CADPS: variants seen among roughly 807,000 people sequenced by gnomAD.
The protein encoded by CADPS is calcium-dependent secretion activator 1.
A neutral mutation model predicts 167.3 loss-of-function variants in CADPS; 57 were observed. That is an observed-to-expected ratio of 0.34 (90% CI 0.28 to 0.42). The LOEUF (loss-of-function observed/expected upper bound fraction) is 0.42. CADPS is among the 20% of genes least tolerant of loss of function. CADPS has a pLI of 1.00. For missense variants in CADPS, 1,414 were observed against 1,738.1 expected, an observed-to-expected ratio of 0.81 and a Z score of 3.32; for synonymous variants, 676 against 635.3, an observed-to-expected ratio of 1.06 and a Z score of -0.96.
intron 3 of CADPS, among the ~76,000 whole-genome samples, chr3:62,665,789 G>A (rs2074292878): frequency 6.6e-6 from 1 of 152,076 alleles, no homozygotes; most frequent in Admixed American, 6.6e-5. Flanking sequence ...TGTGACCTTG[G>A]GCAAGTTACT....
At chr3:62,813,380 A>C (rs564031576) in intron 1 of CADPS, among the ~76,000 whole-genome samples, 2 of 152,292 alleles carry the variant, frequency 1.3e-5, no homozygotes, top group East Asian at 3.9e-4. Context: ...CTCCTTGTAC[A>C]ATAAGTGGTG....
chr3:62,834,545 T>G (rs553677951), intron 1 of CADPS, among the ~76,000 whole-genome samples: 1 of 152,244 alleles, frequency 6.6e-6, no homozygotes, highest in East Asian at 1.9e-4. Context: ...GAACCATGGG[T>G]AAGTCACTTA....
chr3:62,435,229 G>C (rs2054755888), intron 28 of CADPS, among the ~76,000 whole-genome samples: 1 of 152,142 alleles, frequency 6.6e-6, no homozygotes, highest in Admixed American at 6.5e-5. Flanking sequence ...TAAAGAATAA[G>C]TTCATTTGCA....
chr3:62,808,047 G>A (rs2094194839), intron 1 of CADPS, among the ~76,000 whole-genome samples: 1 of 151,792 alleles, frequency 6.6e-6, no homozygotes, highest in Non-Finnish European at 1.5e-5. Context: ...CTAATTTTTT[G>A]TATTTTTAGT....
At chr3:62,510,449 C>T (rs2067569789) in intron 17 of CADPS, among the ~76,000 whole-genome samples, 1 of 152,120 alleles carries the variant, frequency 6.6e-6, no homozygotes, top group Admixed American at 6.6e-5. Flanking sequence ...TTGCTGGGTT[C>T]AGAATGTGTG....
At chr3:62,706,836 C>A (rs1472127040) in intron 3 of CADPS, among the ~76,000 whole-genome samples, 1 of 152,034 alleles carries the variant, frequency 6.6e-6, no homozygotes, top group Admixed American at 6.5e-5. Flanking sequence ...GGAATAATTA[C>A]TGGGGACTCA....
rs1354104385 is a variant in CADPS at position 62,753,432 on chromosome 3, AC to A, written c.888+8del. Reference sequence around the variant, plus strand: ...CCACAGCTCTAGGCCCAGGCGAGAAACACCTTACCTGGCAGGCATTGTAAAG... The same window carrying A: ...CCACAGCTCTAGGCCCAGGCGAGAAAACCTTACCTGGCAGGCATTGTAAAG... On this transcript the variant is annotated splice_region_variant and intron_variant, in intron 3 of 29. Coordinates refer to ENST00000383710, the MANE Select transcript of CADPS (RefSeq NM_003716.4). This position sits in a 1 kb window ranked among gnomAD's most constrained non-coding sequence, Gnocchi z 4.6. 12 of 1,598,442 alleles carry A rather than the reference AC, an allele frequency of 7.5e-6. No homozygotes were observed. Among genetic ancestry groups the A allele is most frequent in the Non-Finnish European group, 1.0e-5 (12 of 1,168,968 alleles).
intron 21 of CADPS, 29 bp from the exon 22 acceptor site, chr3:62,481,898 A>C (rs1446716002): frequency 1.3e-5 from 21 of 1,600,292 alleles, no homozygotes; most frequent in Non-Finnish European, 1.7e-5. Flanking sequence ...GAAAGAAAAA[A>C]TACCATCACA....
chr3:62,469,466 C>T (rs745487828), intron 24 of CADPS, among the ~76,000 whole-genome samples: 74 of 152,154 alleles, frequency 4.9e-4, no homozygotes, highest in Non-Finnish European at 9.3e-4. Context: ...TATCCAGATA[C>T]GGTACAAAGA....
In CADPS at chr3:62,512,679, G is replaced by A. The variant is rs867220953; in HGVS notation, c.2599+72C>T. 7.8e-6 allele frequency: 10 copies of A among 1,285,502 alleles called. No homozygotes were observed. The Middle Eastern group carries it at 5.7e-4, about 73-fold the overall frequency. The allele number at this position is 1,285,502 out of a possible 1,614,324, so 79.6% of individuals were successfully genotyped here. A position where few individuals can be genotyped will look rare whatever the true frequency, so the allele number is the denominator to read the frequency against. On this transcript the variant is annotated intron_variant, in intron 17 of 29. Coordinates refer to ENST00000383710, the MANE Select transcript of CADPS (RefSeq NM_003716.4). ...GGAGTACAAACCTTAAGGAGCCATTGAAAAACAAAAACAAAAACTGAATGT... is the reference window on the plus strand; with the variant it reads ...GGAGTACAAACCTTAAGGAGCCATTAAAAAACAAAAACAAAAACTGAATGT...
chr3:62,853,124 T>C (rs763656747), intron 1 of CADPS, among the ~76,000 whole-genome samples: 6 of 152,100 alleles, frequency 3.9e-5, no homozygotes, highest in Non-Finnish European at 8.8e-5. Context: ...AATTCCTAAG[T>C]GAACAGTAGG....
chr3:62,633,770 C>A (rs1167754560), intron 6 of CADPS, among the ~76,000 whole-genome samples: 2 of 152,126 alleles, frequency 1.3e-5, no homozygotes, highest in Admixed American at 6.5e-5. Flanking sequence ...CACATTTTGG[C>A]TGAATGCTAA....
At chr3:62,484,201 G>A (rs1176653733) in intron 21 of CADPS, among the ~76,000 whole-genome samples, 5 of 151,800 alleles carry the variant, frequency 3.3e-5, no homozygotes, top group South Asian at 2.1e-4. Flanking sequence ...CTTTTAAAAG[G>A]ATGAAACATG....
At chr3:62,711,607 C>T (rs2083407815) in intron 3 of CADPS, among the ~76,000 whole-genome samples, 1 of 152,108 alleles carries the variant, frequency 6.6e-6, no homozygotes, top group Non-Finnish European at 1.5e-5. Flanking sequence ...GGTGATTTTC[C>T]CTGCAAGGGA....
chr3:62,459,405 C>A (rs1237360992), intron 26 of CADPS, among the ~76,000 whole-genome samples: 1 of 152,216 alleles, frequency 6.6e-6, no homozygotes, highest in Admixed American at 6.5e-5. Flanking sequence ...CAGGCTCCTG[C>A]ACTGATTGCT....
chr3:62,741,215 T>C (rs942114888), intron 3 of CADPS, among the ~76,000 whole-genome samples: 2 of 152,174 alleles, frequency 1.3e-5, no homozygotes, highest in African/African-American at 2.4e-5. Flanking sequence ...GCTGGTACCA[T>C]TTCTACTGAA....
intron 28 of CADPS, 35 bp from the exon 29 acceptor site, chr3:62,403,220 A>G: frequency 7.1e-7 from 1 of 1,399,816 alleles, no homozygotes; most frequent in African/African-American, 1.4e-5. Context: ...CAGCCAACAC[A>G]TCATGGAGCA....
At chr3:62,786,406 C>A (rs75468605) in intron 1 of CADPS, among the ~76,000 whole-genome samples, 2 of 152,028 alleles carry the variant, frequency 1.3e-5, no homozygotes, top group Non-Finnish European at 2.9e-5. Flanking sequence ...TTTTGGGAGG[C>A]TGAGGCAGGG....
chr3:62,727,864 A>C, intron 3 of CADPS, among the ~76,000 whole-genome samples: 1 of 152,022 alleles, frequency 6.6e-6, no homozygotes, highest in Non-Finnish European at 1.5e-5. Flanking sequence ...ACTAAAATGA[A>C]AATGTTCTGG....
Sources: allele counts gnomAD v4.1 joint callset (sites outside exome capture counted in the v4.1 genomes callset), GRCh38; gene constraint gnomAD v4.1.1; non-coding constraint Gnocchi (gnomAD v3.1); transcripts MANE v1.5; gene names NCBI Gene and HGNC (gene_info 2026-07-23, HGNC 2026-07-21).